MECOM: variants seen among roughly 807,000 people sequenced by gnomAD.
The protein encoded by MECOM is MDS1 and EVI1 complex locus.
In MECOM, 13 loss-of-function variants were observed where a neutral mutation model predicts 116.3. The observed-to-expected ratio is 0.11, with a 90% CI of 0.07 to 0.18. The LOEUF (loss-of-function observed/expected upper bound fraction) is 0.18, where lower values mean the gene tolerates loss of function less well. Ranked by LOEUF, MECOM falls within the 10% of genes least tolerant of loss-of-function variation. The pLI is 1.00. For missense variants in MECOM, 1,299 were observed against 1,509.0 expected (o/e 0.86, Z 2.31); for synonymous variants, 528 against 535.2 (o/e 0.99, Z 0.19).
chr3:169,191,770 G>GAAAGAAAGAAAGAAAGAA (rs1747706964), intron 2 of MECOM, among the ~76,000 whole-genome samples: 2 of 136,628 alleles, frequency 1.5e-5, no homozygotes, highest in Admixed American at 7.3e-5. Context: ...AAGAAAGAAA[G>GAAAGAAAGAAAGAAAGAA]AAAGAAAGAA....
At chr3:169,111,422 G>T (rs1329804144) in intron 9 of MECOM, among the ~76,000 whole-genome samples, 1 of 152,134 alleles carries the variant, frequency 6.6e-6, no homozygotes, top group African/African-American at 2.4e-5. Context: ...AGTATCAAGA[G>T]AGATGTACTT....
chr3:169,649,710 A>G (rs1774644847), intron 1 of MECOM, among the ~76,000 whole-genome samples: 1 of 152,208 alleles, frequency 6.6e-6, no homozygotes, highest in African/African-American at 2.4e-5. Flanking sequence ...TAATAGAGTA[A>G]TGCCCTCATG....
At chr3:169,413,084 G>C (rs1018660107) in intron 1 of MECOM, among the ~76,000 whole-genome samples, 11 of 152,230 alleles carry the variant, frequency 7.2e-5, no homozygotes, top group Non-Finnish European at 1.5e-4. Flanking sequence ...AATAGAAACA[G>C]CTCTGATCTG....
At chr3:169,609,368 T>C (rs6777309) in intron 1 of MECOM, among the ~76,000 whole-genome samples, 2,213 of 152,282 alleles carry the variant, frequency 0.015, 44 homozygotes, top group African/African-American at 0.051. Context: ...TGATGGAAAG[T>C]GAACAGCAAA....
At chr3:169,543,427 TA>T (rs1373045333) in intron 1 of MECOM, among the ~76,000 whole-genome samples, 1 of 151,936 alleles carries the variant, frequency 6.6e-6, no homozygotes, top group African/African-American at 2.4e-5. Context: ...AGTTTAAAAT[TA>T]GTTGGGCATG....
chr3:169,307,704 A>G (rs905589890), intron 2 of MECOM, among the ~76,000 whole-genome samples: 4 of 152,230 alleles, frequency 2.6e-5, no homozygotes, highest in African/African-American at 9.6e-5. Flanking sequence ...TTCTAAATAA[A>G]CAAATAGTAT....
chr3:169,181,454 A>G (rs1745959942), intron 2 of MECOM, among the ~76,000 whole-genome samples: 1 of 152,180 alleles, frequency 6.6e-6, no homozygotes, highest in Non-Finnish European at 1.5e-5. Context: ...AGCACTGACT[A>G]AAAAATCAGC....
At chr3:169,454,068 A>G (rs746246112) in intron 1 of MECOM, among the ~76,000 whole-genome samples, 99 of 152,274 alleles carry the variant, frequency 6.5e-4, no homozygotes, top group Non-Finnish European at 1.1e-3. Context: ...GATTCTACAA[A>G]CAAGTCCTCA....
intron 1 of MECOM, among the ~76,000 whole-genome samples, chr3:169,586,354 AATAGTTT>A (rs1765777824): frequency 6.6e-6 from 1 of 152,220 alleles, no homozygotes; most frequent in Non-Finnish European, 1.5e-5. Flanking sequence ...CAACAACTGT[AATAGTTT>A]GCTGTCTAGT....
At chr3:169,656,613 A>G (rs796834575) in intron 1 of MECOM, among the ~76,000 whole-genome samples, 3 of 152,328 alleles carry the variant, frequency 2.0e-5, no homozygotes, top group African/African-American at 7.2e-5. Flanking sequence ...ATTTTTGAAA[A>G]TGAAAATGAC....
rs1034531801 is a variant in MECOM, at chr3:169,210,871, A to C, written c.376-67039T>G. 2.6e-5 allele frequency among the ~76,000 whole-genome samples: 4 copies of C among 152,136 alleles called. No homozygotes were observed. The East Asian group carries it at 7.7e-4, about 29-fold the overall frequency. Reference sequence around the variant, plus strand: ...CCCTGTCCTAGAATTTCATATAAATACAATTAGAGAGCCTGGATTCTTTGT... The same window carrying C: ...CCCTGTCCTAGAATTTCATATAAATCCAATTAGAGAGCCTGGATTCTTTGT... On this transcript the variant is annotated intron_variant, in intron 2 of 16. Coordinates refer to ENST00000651503, the MANE Select transcript of MECOM (RefSeq NM_004991.4).
intron 2 of MECOM, among the ~76,000 whole-genome samples, chr3:169,225,767 G>A (rs772174915): frequency 2.0e-5 from 3 of 152,054 alleles, no homozygotes; most frequent in African/African-American, 2.4e-5. Context: ...GCACCACCAC[G>A]CCTGGATAAT....
intron 2 of MECOM, among the ~76,000 whole-genome samples, chr3:169,277,653 C>T (rs1046826358): frequency 1.3e-5 from 2 of 152,140 alleles, no homozygotes; most frequent in African/African-American, 2.4e-5. Flanking sequence ...TCATGCATGT[C>T]CTTTACAAAT....
intron 2 of MECOM, among the ~76,000 whole-genome samples, chr3:169,349,285 C>A (rs931532627): frequency 4.6e-5 from 7 of 151,706 alleles, no homozygotes; most frequent in Non-Finnish European, 1.0e-4. Context: ...TTACCCTCTG[C>A]CTTGTTAGCC....
intron 9 of MECOM, among the ~76,000 whole-genome samples, chr3:169,111,589 A>T (rs1238000201): frequency 6.6e-6 from 1 of 152,102 alleles, no homozygotes; most frequent in Non-Finnish European, 1.5e-5. Flanking sequence ...TAATTATGTG[A>T]GTAACATTCT....
chr3:169,138,721 G>C (rs571322813), intron 3 of MECOM, among the ~76,000 whole-genome samples: 10 of 152,162 alleles, frequency 6.6e-5, no homozygotes, highest in African/African-American at 2.2e-4. Flanking sequence ...CAAATTACCT[G>C]ACAGTAGACA....
At chr3:169,296,889 A>G (rs1226533252) in intron 2 of MECOM, among the ~76,000 whole-genome samples, 1 of 152,236 alleles carries the variant, frequency 6.6e-6, no homozygotes, top group East Asian at 1.9e-4. Flanking sequence ...TAGACACCCC[A>G]GAGGTGTAAA....
At chr3:169,514,984 A>G (rs1756444866) in intron 1 of MECOM, among the ~76,000 whole-genome samples, 1 of 152,222 alleles carries the variant, frequency 6.6e-6, no homozygotes, top group African/African-American at 2.4e-5. Flanking sequence ...ACAGTACTGG[A>G]TAATTCTGCA....
intron 2 of MECOM, among the ~76,000 whole-genome samples, chr3:169,257,773 G>A (rs191102194): frequency 2.0e-4 from 31 of 152,182 alleles, no homozygotes; most frequent in African/African-American, 7.5e-4. Flanking sequence ...AGTAAAACCC[G>A]TGAGCTGTGG....
Sources: allele counts gnomAD v4.1 joint callset (sites outside exome capture counted in the v4.1 genomes callset), GRCh38; gene constraint gnomAD v4.1.1; transcripts MANE v1.5; gene names NCBI Gene and HGNC (gene_info 2026-07-23, HGNC 2026-07-21).